The following GALNTL6 variants were observed in gnomAD, a reference collection of about 807,000 sequenced individuals.
The protein encoded by GALNTL6 is polypeptide N-acetylgalactosaminyltransferase like 6.
In GALNTL6, 46 loss-of-function variants were observed where a neutral mutation model predicts 73.7. The observed-to-expected ratio is 0.62, with a 90% CI of 0.49 to 0.80. The LOEUF (loss-of-function observed/expected upper bound fraction) is 0.80, where lower values mean the gene tolerates loss of function less well. Among genes scored for constraint, GALNTL6 ranks in the 30% least tolerant of loss-of-function variants. GALNTL6 has a pLI of 0.00. For missense variants in GALNTL6, 604 were observed against 755.0 expected (o/e 0.80, Z 2.34); for synonymous variants, 259 against 263.7 (o/e 0.98, Z 0.17).
At chr4:172,332,322 G>A (rs1741157853) in intron 4 of GALNTL6, among the ~76,000 whole-genome samples, 1 of 151,972 alleles carries the variant, frequency 6.6e-6, no homozygotes, top group African/African-American at 2.4e-5. Context: ...AGTGTTTACA[G>A]TGTCCGTCAC....
intron 2 of GALNTL6, among the ~76,000 whole-genome samples, chr4:171,956,139 C>A (rs1259469878): frequency 6.6e-6 from 1 of 151,838 alleles, no homozygotes; most frequent in South Asian, 2.1e-4. Context: ...AGTAGCGGGA[C>A]TACAGGCATG....
intron 2 of GALNTL6, among the ~76,000 whole-genome samples, chr4:172,208,288 A>G (rs1736210353): frequency 6.6e-6 from 1 of 152,192 alleles, no homozygotes; most frequent in South Asian, 2.1e-4. Context: ...TACTAAATCA[A>G]TTATTACTGT....
At chr4:172,036,280 T>G (rs1255607495) in intron 2 of GALNTL6, among the ~76,000 whole-genome samples, 1 of 152,076 alleles carries the variant, frequency 6.6e-6, no homozygotes, top group Admixed American at 6.6e-5. Flanking sequence ...AGTCTCTCGA[T>G]TACCTTTCAC....
chr4:172,863,767 A>G (rs961921016), intron 7 of GALNTL6, among the ~76,000 whole-genome samples: 42 of 152,262 alleles, frequency 2.8e-4, no homozygotes, highest in African/African-American at 1.0e-3. Flanking sequence ...GGAACTGTTG[A>G]AAAGGCATGA....
intron 2 of GALNTL6, among the ~76,000 whole-genome samples, chr4:172,139,444 G>T (rs1178088354): frequency 6.6e-6 from 1 of 152,096 alleles, no homozygotes; most frequent in African/African-American, 2.4e-5. Flanking sequence ...AAAAACCCAA[G>T]GCTTAAGTCA....
chr4:172,647,843 C>T (rs560616793), intron 5 of GALNTL6, among the ~76,000 whole-genome samples: 178 of 152,052 alleles, frequency 1.2e-3, no homozygotes, highest in Non-Finnish European at 2.1e-3. Flanking sequence ...AATGGTAATG[C>T]ATTGATTAAG....
chr4:171,907,394 A>G (rs1737324953), intron 2 of GALNTL6, among the ~76,000 whole-genome samples: 1 of 152,140 alleles, frequency 6.6e-6, no homozygotes, highest in Non-Finnish European at 1.5e-5. Flanking sequence ...CCCATTCACA[A>G]TTGCTTCAAA....
At chr4:172,685,320 C>T (rs1297292616) in intron 5 of GALNTL6, among the ~76,000 whole-genome samples, 1 of 152,068 alleles carries the variant, frequency 6.6e-6, no homozygotes, top group Non-Finnish European at 1.5e-5. Context: ...TTTTCATGGG[C>T]TTTTCTACTC....
chr4:172,468,510 G>A (rs775652796), intron 5 of GALNTL6, among the ~76,000 whole-genome samples: 2 of 152,126 alleles, frequency 1.3e-5, no homozygotes, highest in Non-Finnish European at 2.9e-5. Flanking sequence ...CCTGTAAGGG[G>A]ATTATATTCA....
chr4:172,187,319 T>G (rs1560960177), intron 2 of GALNTL6, among the ~76,000 whole-genome samples: 1 of 152,122 alleles, frequency 6.6e-6, no homozygotes, highest in Non-Finnish European at 1.5e-5. Context: ...TTTAAATGAT[T>G]GGACATATGT....
intron 2 of GALNTL6, among the ~76,000 whole-genome samples, chr4:172,043,002 G>A (rs1742128555): frequency 6.6e-6 from 1 of 151,008 alleles, no homozygotes; most frequent in African/African-American, 2.4e-5. Flanking sequence ...CACCTTTCCA[G>A]ACTGATAATG....
chr4:172,749,349 T>C lies in GALNTL6; in HGVS notation c.554-60012T>C, dbSNP rs111531366. ...TATAATATTTAAACCATGTGAACTT[T>C]GTTGCATTATGCCAGGTGATATTTT... On this transcript the variant is annotated intron_variant, in intron 5 of 12. Transcript: ENST00000506823. 9.4e-3 allele frequency among the ~76,000 whole-genome samples: 1,425 copies of C among 152,262 alleles called. 27 individuals carry two copies. Among genetic ancestry groups the C allele is most frequent in the African/African-American group, 0.03 (1,248 of 41,546 alleles).
chr4:172,009,329 G>A (rs912938565), intron 2 of GALNTL6, among the ~76,000 whole-genome samples: 8 of 152,154 alleles, frequency 5.3e-5, no homozygotes, highest in Non-Finnish European at 7.4e-5. Flanking sequence ...TTTAAACAGC[G>A]TGTGGGTTGT....
intron 2 of GALNTL6, among the ~76,000 whole-genome samples, chr4:171,929,595 C>G (rs890931164): frequency 6.6e-6 from 1 of 152,196 alleles, no homozygotes; most frequent in Non-Finnish European, 1.5e-5. Flanking sequence ...GGCGTGGCCT[C>G]GAGCAGCTAG....
At position 172,382,139 on chromosome 4, in the gene GALNTL6, T is replaced by C. The variant is rs180869930; in HGVS notation, c.553+33450T>C. Among the ~76,000 whole-genome samples the C allele has an allele frequency of 1.9e-3, 283 of 152,296 alleles. 1 individual carries two copies. Among genetic ancestry groups the C allele is most frequent in the Middle Eastern group, 3.4e-3 (1 of 294 alleles). On this transcript the variant is annotated intron_variant, in intron 5 of 12. Transcript: ENST00000506823. ...CCAATCACCATGCCTGGCTAATTTT[T>C]GGAGTTTTAGTAGAGACAGGGGTTT...
intron 2 of GALNTL6, among the ~76,000 whole-genome samples, chr4:172,056,896 G>C (rs1450727268): frequency 6.6e-6 from 1 of 151,870 alleles, no homozygotes; most frequent in Non-Finnish European, 1.5e-5. Flanking sequence ...TATATTGTAT[G>C]ATAGTTTTAT....
At chr4:172,337,538 T>C (rs1409588434) in intron 4 of GALNTL6, among the ~76,000 whole-genome samples, 1 of 152,124 alleles carries the variant, frequency 6.6e-6, no homozygotes, top group East Asian at 1.9e-4. Context: ...TTAAAAAGCT[T>C]AGTTTAGTGG....
chr4:172,369,431 G>A (rs1013966491), intron 5 of GALNTL6, among the ~76,000 whole-genome samples: 9 of 152,300 alleles, frequency 5.9e-5, no homozygotes, highest in South Asian at 2.1e-4. Context: ...AGTGGATCCC[G>A]TGCCAGGGCT....
chr4:172,330,353 G>A (rs987887075), intron 4 of GALNTL6, among the ~76,000 whole-genome samples: 1 of 152,154 alleles, frequency 6.6e-6, no homozygotes, highest in African/African-American at 2.4e-5. Flanking sequence ...GGGGAGGTGT[G>A]GGTCCCCGGA....
Sources: gnomAD v4.1 joint callset for allele counts (sites outside exome capture counted in the v4.1 genomes callset) on GRCh38, gnomAD v4.1.1 for gene constraint, MANE v1.5 for transcripts, NCBI Gene and HGNC (gene_info 2026-07-23, HGNC 2026-07-21) for gene names.